The following MYO5B variants were observed in gnomAD, a reference collection of about 807,000 sequenced individuals.
MYO5B encodes the protein unconventional myosin-Vb.
A neutral mutation model predicts 229.3 loss-of-function variants in MYO5B; 143 were observed. That is an observed-to-expected ratio of 0.62 (90% CI 0.54 to 0.72). The LOEUF (loss-of-function observed/expected upper bound fraction) is 0.72. MYO5B is among the 30% of genes least tolerant of loss of function. The pLI is 0.00. For synonymous variants in MYO5B, 918 were observed against 885.2 expected (o/e 1.04, Z -0.66); for missense variants, 2,321 against 2,331.0 (o/e 1.00, Z 0.09).
intron 16 of MYO5B, among the ~76,000 whole-genome samples, chr18:49,931,939 G>A (rs2025197674): frequency 6.6e-6 from 1 of 152,192 alleles, no homozygotes; most frequent in African/African-American, 2.4e-5. Context: ...TCTTTCCTCT[G>A]CTCAGCATGA....
At chr18:50,081,318 T>C (rs1254159138) in intron 1 of MYO5B, among the ~76,000 whole-genome samples, 1 of 152,164 alleles carries the variant, frequency 6.6e-6, no homozygotes, top group Non-Finnish European at 1.5e-5. Flanking sequence ...ATGCTCCCAA[T>C]GGGAGGCTGC....
intron 1 of MYO5B, among the ~76,000 whole-genome samples, chr18:50,182,455 T>TG (rs2033086360): frequency 6.6e-6 from 1 of 152,180 alleles, no homozygotes; most frequent in African/African-American, 2.4e-5. Context: ...TAGGAGACTG[T>TG]GCTCTTAACA....
At chr18:50,129,142 G>A (rs535158803) in intron 1 of MYO5B, among the ~76,000 whole-genome samples, 14 of 152,330 alleles carry the variant, frequency 9.2e-5, no homozygotes, top group Admixed American at 8.5e-4. Flanking sequence ...AGCATGGCCT[G>A]ATGGACGGAG....
chr18:50,020,837 G>A (rs1044458328), intron 4 of MYO5B, among the ~76,000 whole-genome samples: 9 of 152,248 alleles, frequency 5.9e-5, no homozygotes, highest in African/African-American at 2.2e-4. Context: ...TGCTAGGCCA[G>A]GGAGATGGAT....
chr18:50,044,877 G>C (rs980565116), intron 2 of MYO5B, among the ~76,000 whole-genome samples: 2 of 151,800 alleles, frequency 1.3e-5, no homozygotes, highest in Non-Finnish European at 2.9e-5. Context: ...AGTATTTAAA[G>C]GGGAAAGAGC....
chr18:49,979,736 A>C (rs2025794097), intron 9 of MYO5B, among the ~76,000 whole-genome samples: 1 of 152,214 alleles, frequency 6.6e-6, no homozygotes, highest in East Asian at 1.9e-4. Flanking sequence ...GGTATAGAAT[A>C]AACAGTTGCA....
intron 1 of MYO5B, among the ~76,000 whole-genome samples, chr18:50,062,421 AGAAG>A (rs944559697): frequency 6.6e-6 from 1 of 152,138 alleles, no homozygotes; most frequent in Non-Finnish European, 1.5e-5. Context: ...TTCAGAAGAA[AGAAG>A]GAAGAAAAAA....
intron 1 of MYO5B, among the ~76,000 whole-genome samples, chr18:50,077,783 G>A (rs1174243762): frequency 6.6e-6 from 1 of 152,154 alleles, no homozygotes; most frequent in Non-Finnish European, 1.5e-5. Context: ...GCAGTCAGGA[G>A]GGCTCTCTGC....
intron 2 of MYO5B, among the ~76,000 whole-genome samples, chr18:50,050,010 T>C (rs2030350186): frequency 6.6e-6 from 1 of 152,168 alleles, no homozygotes; most frequent in Non-Finnish European, 1.5e-5. Context: ...TTTGACTCTT[T>C]AGACAAGATG....
At chr18:50,041,442 G>C (rs1418481329) in intron 2 of MYO5B, among the ~76,000 whole-genome samples, 1 of 152,140 alleles carries the variant, frequency 6.6e-6, no homozygotes, top group Non-Finnish European at 1.5e-5. Flanking sequence ...ACCCAGCAAT[G>C]AAAGGGCTAA....
chr18:50,065,178 C>T lies in MYO5B; in HGVS notation c.28-9800G>A, dbSNP rs544824523. Among the ~76,000 whole-genome samples, 10 of 152,276 alleles carry T rather than the reference C, an allele frequency of 6.6e-5. No individual in the cohort carries two copies. The South Asian group carries it at 1.9e-3, about 28-fold the overall frequency. On this transcript the variant is annotated intron_variant, in intron 1 of 39. Coordinates refer to ENST00000285039, the MANE Select transcript of MYO5B (RefSeq NM_001080467.3). ...ATAAACATTCAACTCCTATATGTCC[C>T]TAATAGGTTACCAAGGCTTACAGAC...
intron 5 of MYO5B, among the ~76,000 whole-genome samples, chr18:49,998,580 A>G (rs2026014043): frequency 6.6e-6 from 1 of 152,386 alleles, no homozygotes; most frequent in East Asian, 1.9e-4. Flanking sequence ...ATTCAAACAG[A>G]TACTTTCACA....
chr18:49,900,756 G>A (rs762449472), intron 21 of MYO5B, among the ~76,000 whole-genome samples: 11 of 152,204 alleles, frequency 7.2e-5, no homozygotes, highest in African/African-American at 2.6e-4. Flanking sequence ...GGCACCCTCT[G>A]GGGCACCTCA....
chr18:50,103,568 G>T lies in MYO5B; in HGVS notation c.28-48190C>A, dbSNP rs542219959. 1.8e-4 allele frequency among the ~76,000 whole-genome samples: 27 copies of T among 152,288 alleles called. No homozygotes were observed. The South Asian group carries it at 5.6e-3, about 32-fold the overall frequency. ...AGTTCAAGAGCAGCTAGGCAACAAA[G>T]TGAGGCCCTATATCTAAAACAAATT... On this transcript the variant is annotated intron_variant, in intron 1 of 39. Transcript: ENST00000285039.
intron 1 of MYO5B, among the ~76,000 whole-genome samples, chr18:50,067,113 G>A (rs186294208): frequency 3.1e-4 from 47 of 152,252 alleles, no homozygotes; most frequent in Non-Finnish European, 4.9e-4. Context: ...ATGAGATTGC[G>A]TGAAATGTAC....
chr18:49,867,270 T>A (rs1000842401), intron 27 of MYO5B, among the ~76,000 whole-genome samples: 7 of 150,328 alleles, frequency 4.7e-5, no homozygotes, highest in African/African-American at 1.8e-4. Flanking sequence ...TGCTTGGATG[T>A]GGGAAGTGAG....
chr18:50,157,050 T>C (rs1363187437), intron 1 of MYO5B, among the ~76,000 whole-genome samples: 1 of 150,864 alleles, frequency 6.6e-6, no homozygotes, highest in African/African-American at 2.4e-5. Context: ...ATTGTGTCTC[T>C]CCCCTCTTTG....
At chr18:49,934,153 G>A (rs909764883) in intron 16 of MYO5B, among the ~76,000 whole-genome samples, 1 of 152,222 alleles carries the variant, frequency 6.6e-6, no homozygotes, top group Non-Finnish European at 1.5e-5. Context: ...TGCCATTACA[G>A]GCATGAGCCA....
intron 5 of MYO5B, among the ~76,000 whole-genome samples, chr18:49,995,495 G>A (rs577580187): frequency 2.6e-5 from 4 of 151,562 alleles, no homozygotes; most frequent in Admixed American, 6.6e-5. Flanking sequence ...TCCTGACCTC[G>A]TGACCCACCC....
Sources: gnomAD v4.1 joint callset for allele counts (sites outside exome capture counted in the v4.1 genomes callset) on GRCh38, gnomAD v4.1.1 for gene constraint, MANE v1.5 for transcripts, NCBI Gene and HGNC (gene_info 2026-07-23, HGNC 2026-07-21) for gene names.